Variants in ASIC2 observed in about 807,000 individuals in gnomAD.
The protein encoded by ASIC2 is acid-sensing ion channel 2.
A neutral mutation model predicts 57.3 loss-of-function variants in ASIC2; 25 were observed. The observed-to-expected ratio is 0.44, with a 90% CI of 0.32 to 0.61. ASIC2 has a LOEUF of 0.61. Ranked by LOEUF, ASIC2 falls within the 20% of genes least tolerant of loss-of-function variation. The pLI, the probability that ASIC2 is intolerant of heterozygous loss-of-function variation, is 0.06. For missense variants in ASIC2, 641 were observed against 738.1 expected, an observed-to-expected ratio of 0.87 and a Z score of 1.52; for synonymous variants, 319 against 307.5, an observed-to-expected ratio of 1.04 and a Z score of -0.39.
chr17:33,597,045 C>T (rs563407180), intron 1 of ASIC2, among the ~76,000 whole-genome samples: 3 of 152,366 alleles, frequency 2.0e-5, no homozygotes, highest in South Asian at 2.1e-4. Context: ...TGCTGGCTAA[C>T]GGATCAGATC....
chr17:34,055,054 G>C (rs1908714804), intron 1 of ASIC2, among the ~76,000 whole-genome samples: 1 of 152,194 alleles, frequency 6.6e-6, no homozygotes, highest in African/African-American at 2.4e-5. Flanking sequence ...ACCTCTCAGA[G>C]AGTCCAGTGG....
intron 1 of ASIC2, among the ~76,000 whole-genome samples, chr17:33,856,484 C>CAGT (rs1913937776): frequency 2.4e-4 from 4 of 16,530 alleles, no homozygotes; most frequent in South Asian, 2.9e-3. Context: ...GTGGTGGTGG[C>CAGT]AGTAGTAATA....
chr17:33,292,718 G>GGT lies in ASIC2; in HGVS notation c.-605_-604dup. ...GGCTCCTGGCTGGGCGGGCGGGGTG[G>GGT]GTGTGTACGGGGGTGAGTGGTCGCC... On this transcript the variant is annotated 5_prime_UTR_variant, in exon 1 of 10. Transcript: ENST00000225823. 1.0e-6 allele frequency: 1 copy of GGT among 985,594 alleles called. No individual in the cohort carries two copies. Among genetic ancestry groups the GGT allele is most frequent in the Non-Finnish European group, 1.2e-6 (1 of 830,106 alleles). The allele number at this position is 985,594 out of a possible 1,614,324, so 61.1% of individuals were successfully genotyped here. A position where few individuals can be genotyped will look rare whatever the true frequency, so the allele number is the denominator to read the frequency against.
intron 1 of ASIC2, among the ~76,000 whole-genome samples, chr17:33,595,681 C>G (rs1322818520): frequency 2.0e-5 from 3 of 152,194 alleles, no homozygotes; most frequent in Non-Finnish European, 4.4e-5. Context: ...ACTCAGCATC[C>G]CTGAGCTTCT....
intron 1 of ASIC2, among the ~76,000 whole-genome samples, chr17:33,687,923 A>G (rs1323264373): frequency 6.6e-6 from 1 of 152,190 alleles, no homozygotes; most frequent in Non-Finnish European, 1.5e-5. Flanking sequence ...CAGGAAAGAA[A>G]GTCACTAGTA....
At chr17:33,328,418 T>C (rs1411891461) in intron 1 of ASIC2, among the ~76,000 whole-genome samples, 1 of 151,818 alleles carries the variant, frequency 6.6e-6, no homozygotes, top group East Asian at 1.9e-4. Context: ...TCAGAGGGAG[T>C]TGGATGATCC....
At chr17:33,727,521 C>A (rs1286093915) in intron 1 of ASIC2, among the ~76,000 whole-genome samples, 2 of 152,024 alleles carry the variant, frequency 1.3e-5, no homozygotes, top group Non-Finnish European at 2.9e-5. Context: ...GCAGATTTCC[C>A]CCTCCTTGCT....
At chr17:33,855,026 C>A (rs1190882001) in intron 1 of ASIC2, among the ~76,000 whole-genome samples, 4 of 152,140 alleles carry the variant, frequency 2.6e-5, no homozygotes, top group African/African-American at 7.2e-5. Flanking sequence ...AGAATGCTTT[C>A]CTTCTGAGAT....
chr17:33,707,055 T>C (rs1908884579), intron 1 of ASIC2, among the ~76,000 whole-genome samples: 1 of 152,194 alleles, frequency 6.6e-6, no homozygotes, highest in Non-Finnish European at 1.5e-5. Flanking sequence ...AGGAAACTGA[T>C]TTTACCTCAG....
intron 1 of ASIC2, chr17:33,572,101 C>T (rs2141992344): frequency 6.6e-6 from 1 of 152,310 alleles, no homozygotes; most frequent in South Asian, 2.1e-4. Flanking sequence ...ACACTGAATA[C>T]CAAGAGATGG....
chr17:34,024,699 C>T (rs552217165), intron 1 of ASIC2, among the ~76,000 whole-genome samples: 2 of 152,264 alleles, frequency 1.3e-5, no homozygotes, highest in African/African-American at 4.8e-5. Context: ...ACCTGGCCAG[C>T]GTGGGGAGGG....
At chr17:33,181,530 C>A (rs1428332752) in intron 1 of ASIC2, among the ~76,000 whole-genome samples, 1 of 152,142 alleles carries the variant, frequency 6.6e-6, no homozygotes, top group Non-Finnish European at 1.5e-5. Flanking sequence ...ATCTTTACCT[C>A]TTCTGACTTC....
intron 1 of ASIC2, among the ~76,000 whole-genome samples, chr17:34,013,977 C>T (rs989909854): frequency 3.3e-5 from 5 of 152,210 alleles, no homozygotes; most frequent in South Asian, 2.1e-4. Flanking sequence ...CCAGTCTATC[C>T]GGCTAAGAGA....
chr17:33,385,774 A>G (rs1909652914), intron 1 of ASIC2, among the ~76,000 whole-genome samples: 1 of 152,182 alleles, frequency 6.6e-6, no homozygotes. Flanking sequence ...GCAGAGAGAA[A>G]AGACACAAAC....
At chr17:33,106,527 C>T (rs1256606277) in intron 2 of ASIC2, among the ~76,000 whole-genome samples, 1 of 152,308 alleles carries the variant, frequency 6.6e-6, no homozygotes, top group South Asian at 2.1e-4. Context: ...TTTCCTCAGA[C>T]GTAACCCACC....
chr17:33,542,207 C>T (rs575187531), intron 1 of ASIC2, among the ~76,000 whole-genome samples: 7 of 152,080 alleles, frequency 4.6e-5, no homozygotes, highest in East Asian at 3.9e-4. Context: ...AATAAACATA[C>T]GTGTGCACGT....
chr17:34,040,117 G>A lies in ASIC2; in HGVS notation c.555+115861C>T, dbSNP rs531598893. On this transcript the variant is annotated intron_variant, in intron 1 of 9. Coordinates refer to the ASIC2 transcript ENST00000359872. The stretch of plus-strand genomic sequence containing the variant: ...GGCTCGCGTACAGAGCCAGGCGCCC[G>A]ACGCGGCCCCGGGCCCGGGCGGCCA... 6.5e-3 allele frequency among the ~76,000 whole-genome samples: 774 copies of A among 118,208 alleles called. 75 individuals are homozygous for A. Among genetic ancestry groups the A allele is most frequent in the African/African-American group, 0.032 (722 of 22,880 alleles). The allele number at this position is 118,208 out of a possible 152,430, so 77.5% of individuals were successfully genotyped here.
intron 1 of ASIC2, among the ~76,000 whole-genome samples, chr17:34,021,241 A>G (rs551462932): frequency 1.3e-5 from 2 of 152,034 alleles, no homozygotes; most frequent in South Asian, 4.1e-4. Context: ...ACCTATTGAA[A>G]TAACAAACAA....
intron 1 of ASIC2, among the ~76,000 whole-genome samples, chr17:33,785,946 A>G (rs1393166214): frequency 6.6e-6 from 1 of 152,174 alleles, no homozygotes; most frequent in East Asian, 1.9e-4. Context: ...AGACCAGCAC[A>G]GGTTTACTGC....
Sources: allele counts gnomAD v4.1 joint callset (sites outside exome capture counted in the v4.1 genomes callset), GRCh38; gene constraint gnomAD v4.1.1; transcripts MANE v1.5; gene names NCBI Gene and HGNC (gene_info 2026-07-23, HGNC 2026-07-21).